CNTN3: variants seen among roughly 807,000 people sequenced by gnomAD.
The protein encoded by CNTN3 is contactin-3.
A neutral mutation model predicts 119.1 loss-of-function variants in CNTN3; 60 were observed. The observed-to-expected ratio is 0.50, with a 90% CI of 0.41 to 0.62. CNTN3 has a LOEUF of 0.62. Ranked by LOEUF, CNTN3 falls within the 20% of genes least tolerant of loss-of-function variation. The pLI, the probability that CNTN3 is intolerant of heterozygous loss-of-function variation, is 0.00. For missense variants in CNTN3, 1,101 were observed against 1,242.4 expected, an observed-to-expected ratio of 0.89 and a Z score of 1.71; for synonymous variants, 450 against 438.7, an observed-to-expected ratio of 1.03 and a Z score of -0.32.
chr3:74,352,150 T>C (rs149616621), intron 11 of CNTN3, among the ~76,000 whole-genome samples: 179 of 152,372 alleles, frequency 1.2e-3, no homozygotes, highest in African/African-American at 3.7e-3. Context: ...ACTTTGCCAC[T>C]GACACAACTG....
At chr3:74,540,571 A>G (rs1703828517) in intron 1 of CNTN3, among the ~76,000 whole-genome samples, 1 of 152,192 alleles carries the variant, frequency 6.6e-6, no homozygotes, top group Non-Finnish European at 1.5e-5. Flanking sequence ...TCTTCACACT[A>G]ACAGGGTAAG....
intron 2 of CNTN3, among the ~76,000 whole-genome samples, chr3:74,508,939 A>G (rs1575794536): frequency 6.6e-6 from 1 of 152,210 alleles, no homozygotes; most frequent in African/African-American, 2.4e-5. Flanking sequence ...AGCATCTTAA[A>G]AATTGAAAGA....
chr3:74,401,122 A>AT, intron 5 of CNTN3, among the ~76,000 whole-genome samples: 1 of 152,236 alleles, frequency 6.6e-6, no homozygotes, highest in Middle Eastern at 3.4e-3. Flanking sequence ...CTGACAGGTT[A>AT]TATGTGCCTG....
chr3:74,311,191 A>G (rs1702676826), intron 13 of CNTN3, among the ~76,000 whole-genome samples: 1 of 152,196 alleles, frequency 6.6e-6, no homozygotes, highest in Admixed American at 6.5e-5. Flanking sequence ...CTCTCCCAGG[A>G]GAGTTGCTCC....
intron 1 of CNTN3, among the ~76,000 whole-genome samples, chr3:74,539,666 T>G (rs1049853720): frequency 6.6e-6 from 1 of 152,164 alleles, no homozygotes; most frequent in Non-Finnish European, 1.5e-5. Context: ...GCTGCTTTTC[T>G]GTTAAGTGCT....
At chr3:74,536,865 G>A (rs1344905987) in intron 1 of CNTN3, among the ~76,000 whole-genome samples, 1 of 152,038 alleles carries the variant, frequency 6.6e-6, no homozygotes, top group African/African-American at 2.4e-5. Flanking sequence ...AACCAGGTAG[G>A]CCTTATAAAT....
chr3:74,319,198 G>A (rs1197736744), intron 13 of CNTN3, among the ~76,000 whole-genome samples: 1 of 152,072 alleles, frequency 6.6e-6, no homozygotes, highest in Non-Finnish European at 1.5e-5. Context: ...AAAAGAGCCG[G>A]CGTCGCCAAG....
At chr3:74,352,085 T>G (rs987798350) in intron 11 of CNTN3, among the ~76,000 whole-genome samples, 2 of 152,198 alleles carry the variant, frequency 1.3e-5, no homozygotes, top group African/African-American at 2.4e-5. Context: ...ACAAATGGTT[T>G]TCTATCTGTG....
At chr3:74,567,558 C>T (rs760384524) in intron 1 of CNTN3, among the ~76,000 whole-genome samples, 1 of 152,032 alleles carries the variant, frequency 6.6e-6, no homozygotes, top group Non-Finnish European at 1.5e-5. Context: ...ACTTTAAGCA[C>T]TAGAGTGACT....
At chr3:74,518,998 T>C (rs1703497354) in intron 2 of CNTN3, among the ~76,000 whole-genome samples, 1 of 151,850 alleles carries the variant, frequency 6.6e-6, no homozygotes, top group Admixed American at 6.6e-5. Flanking sequence ...TTTTAAAAAA[T>C]AATTTCATGA....
intron 4 of CNTN3, among the ~76,000 whole-genome samples, chr3:74,456,214 A>G (rs1380245613): frequency 9.0e-6 from 1 of 111,080 alleles, no homozygotes; most frequent in Non-Finnish European, 2.1e-5. Flanking sequence ...ATGTGTATAT[A>G]TTATTTTTAA....
chr3:74,568,434 A>C (rs532228490), intron 1 of CNTN3, among the ~76,000 whole-genome samples: 22 of 152,304 alleles, frequency 1.4e-4, no homozygotes, highest in African/African-American at 5.3e-4. Flanking sequence ...GTATATCTGG[A>C]AACAGTAAAC....
At chr3:74,342,032 A>G (rs2106726423) in intron 11 of CNTN3, among the ~76,000 whole-genome samples, 1 of 152,244 alleles carries the variant, frequency 6.6e-6, no homozygotes, top group South Asian at 2.1e-4. Context: ...GCTCTTTTAG[A>G]TGGTACTTTC....
At chr3:74,587,011 C>T (rs1704604256) in intron 1 of CNTN3, among the ~76,000 whole-genome samples, 1 of 151,978 alleles carries the variant, frequency 6.6e-6, no homozygotes, top group Non-Finnish European at 1.5e-5. Flanking sequence ...TGGGACTTGC[C>T]CATTTCTCCT....
At chr3:74,583,119 T>G (rs1704540613) in intron 1 of CNTN3, among the ~76,000 whole-genome samples, 1 of 152,092 alleles carries the variant, frequency 6.6e-6, no homozygotes, top group South Asian at 2.1e-4. Flanking sequence ...GCATAGCGGC[T>G]GTCAGTAGTT....
chr3:74,479,803 G>T (rs980067762), intron 4 of CNTN3, among the ~76,000 whole-genome samples: 1 of 151,998 alleles, frequency 6.6e-6, no homozygotes, highest in Non-Finnish European at 1.5e-5. Flanking sequence ...GGAGCACTCT[G>T]ATGGCTCTAG....
chr3:74,428,115 A>G (rs912641928), intron 4 of CNTN3, among the ~76,000 whole-genome samples: 1 of 152,158 alleles, frequency 6.6e-6, no homozygotes, highest in Admixed American at 6.5e-5. Context: ...TGTGTAAAAA[A>G]CCTACTATGC....
intron 1 of CNTN3, among the ~76,000 whole-genome samples, chr3:74,549,829 T>C (rs1198002724): frequency 6.6e-6 from 1 of 152,168 alleles, no homozygotes; most frequent in Non-Finnish European, 1.5e-5. Flanking sequence ...AAGAGGTAAA[T>C]GCATTGTAGA....
At chr3:74,490,881 T>C (rs1439894086) in intron 3 of CNTN3, among the ~76,000 whole-genome samples, 3 of 152,218 alleles carry the variant, frequency 2.0e-5, no homozygotes, top group Admixed American at 2.0e-4. Context: ...CAGAAGAATG[T>C]TAATTTTCTT....
Sources: allele counts gnomAD v4.1 joint callset (sites outside exome capture counted in the v4.1 genomes callset), GRCh38; gene constraint gnomAD v4.1.1; transcripts MANE v1.5; gene names NCBI Gene and HGNC (gene_info 2026-07-23, HGNC 2026-07-21).